The following MS4A18 variants were observed in gnomAD, a reference collection of about 807,000 sequenced individuals.
MS4A18 encodes membrane-spanning 4-domains subfamily A member 18.
A neutral mutation model predicts 13.1 loss-of-function variants in MS4A18; 27 were observed. The ratio of observed to expected loss-of-function variants is 2.06; its 90% CI spans 1.52 to 2.84. The LOEUF is 2.84. Ranked by LOEUF, MS4A18 falls within the 30% of genes most tolerant of loss-of-function variation. MS4A18 has a pLI of 0.00. For synonymous variants in MS4A18, 126 were observed against 76.5 expected (o/e 1.65, Z -3.38); for missense variants, 307 against 196.4 (o/e 1.56, Z -3.37).
intron 5 of MS4A18, among the ~76,000 whole-genome samples, chr11:60,743,345 C>T (rs1853434693): frequency 6.6e-6 from 1 of 152,228 alleles, no homozygotes; most frequent in Non-Finnish European, 1.5e-5. Context: ...GGGTGTCTGG[C>T]TCTTTGCAAG....
At chr11:60,736,796 A>G (rs939676864) in intron 2 of MS4A18, among the ~76,000 whole-genome samples, 182 bp from the exon 4 acceptor site, 7 of 152,184 alleles carry the variant, frequency 4.6e-5, no homozygotes, top group African/African-American at 1.7e-4. Context: ...GGTATTTAGT[A>G]TATTTGGTGC....
intron 1 of MS4A18, 53 bp downstream of exon 2, chr11:60,729,839 C>A: frequency 1.5e-6 from 1 of 654,476 alleles, no homozygotes; most frequent in South Asian, 1.7e-5. Context: ...AAGCCCTCGT[C>A]TAGTGCTCTG....
chr11:60,726,716 AC>A (rs1853166012), upstream of MS4A18, among the ~76,000 whole-genome samples: 3 of 96,156 alleles, frequency 3.1e-5, no homozygotes, highest in African/African-American at 1.2e-4. Flanking sequence ...TTGGGGTAAC[AC>A]TTTTATTTTA....
At chr11:60,727,646 G>T (rs372934473), upstream of MS4A18, among the ~76,000 whole-genome samples, 16 of 152,232 alleles carry the variant, frequency 1.1e-4, no homozygotes, top group African/African-American at 3.9e-4. Context: ...CTGGGGTCCT[G>T]CACACGTTAT....
rs11230456 is a variant in MS4A18 at position 60,729,505 on chromosome 11, G to C, written c.190G>C (p.Val64Leu). Residue 64 changes from valine (V) to leucine (L), a missense_variant, in exon 1 of 6, where the codon GTG (valine) becomes CTG (leucine). Coordinates refer to ENST00000529108, the Ensembl canonical transcript of MS4A18. ...AAGAGCAAACTTACAGAATCTACTC[G>C]TGGTGAACCAGAACTCAGCAGCAGG... The C allele has an allele frequency of 1.2e-3, 832 of 702,778 alleles. 8 individuals are homozygous for C. The African/African-American group carries it at 0.014, about 11-fold the overall frequency. 43.5% of individuals were successfully genotyped at this position (702,778 alleles called of 1,614,324 possible).
intron 1 of MS4A18, among the ~76,000 whole-genome samples, chr11:60,732,015 T>G (rs939514454): frequency 6.6e-6 from 1 of 152,182 alleles, no homozygotes; most frequent in Non-Finnish European, 1.5e-5. Context: ...GATGTTCATG[T>G]GAAACCCAGG....
chr11:60,731,541 T>G (rs1481027725), intron 1 of MS4A18, among the ~76,000 whole-genome samples: 1 of 152,226 alleles, frequency 6.6e-6, no homozygotes, highest in African/African-American at 2.4e-5. Flanking sequence ...TGTCTCCCTT[T>G]TATTATAACT....
chr11:60,727,811 G>C (rs534546712), upstream of MS4A18, among the ~76,000 whole-genome samples: 13 of 152,268 alleles, frequency 8.5e-5, no homozygotes, highest in Admixed American at 7.8e-4. Flanking sequence ...TATCTTTAAT[G>C]TTCTGAGGGC....
upstream of MS4A18, among the ~76,000 whole-genome samples, chr11:60,727,636 C>CT (rs1290546558): frequency 6.6e-6 from 1 of 152,156 alleles, no homozygotes; most frequent in East Asian, 1.9e-4. Flanking sequence ...GAACATACCT[C>CT]TGGGGTCCTG....
intron 3 of MS4A18, among the ~76,000 whole-genome samples, chr11:60,738,408 CTGCTCACTTCTTCTG>C (rs1197800629): frequency 1.3e-5 from 2 of 152,220 alleles, no homozygotes; most frequent in Non-Finnish European, 2.9e-5. Context: ...CTTGGGATCT[CTGCTCACTTCTTCTG>C]CAGAGTAGTT....
At chr11:60,743,815 G>C (rs1469616515) in exon 6 of MS4A18, 4 of 702,826 alleles carry the variant, frequency 5.7e-6, no homozygotes, top group Non-Finnish European at 7.8e-6. Flanking sequence ...CACCAGCCCT[G>C]TCAACACCAC....
chr11:60,735,228 C>T (rs1315082855), intron 2 of MS4A18, among the ~76,000 whole-genome samples: 1 of 152,148 alleles, frequency 6.6e-6, no homozygotes, highest in Non-Finnish European at 1.5e-5. Flanking sequence ...TGTCCACCAC[C>T]TAACTTAAAA....
chr11:60,741,055 G>C lies in MS4A18; in HGVS notation c.770G>C (p.Gly257Ala), dbSNP rs567699986. ...ACATATTCAAAGGCGGTTTCTGGCG[G>C]TCTTCTCCCCTTTGCCCTCCTGGAG... The change falls in exon 5 of 6, where the codon GGT becomes GCT. Residue 257 changes from glycine to alanine, a missense_variant. Physicochemically the swap from Gly to Ala is moderately conservative, Grantham distance 60. Transcript: ENST00000529108. 1.7e-5 allele frequency: 12 copies of C among 703,018 alleles called. No homozygotes were observed. In the Admixed American group the frequency reaches 2.4e-4, roughly 14 times the overall value. 43.5% of individuals were successfully genotyped at this position (703,018 alleles called of 1,614,324 possible).
chr11:60,737,907 A>G (rs1479253871), intron 3 of MS4A18, among the ~76,000 whole-genome samples: 2 of 152,152 alleles, frequency 1.3e-5, no homozygotes, highest in African/African-American at 4.8e-5. Flanking sequence ...CCCTTTAGGA[A>G]GAGCAGAGTC....
chr11:60,736,746 G>A (rs1425734920), intron 2 of MS4A18, among the ~76,000 whole-genome samples: 1 of 152,218 alleles, frequency 6.6e-6, no homozygotes, highest in Non-Finnish European at 1.5e-5. Flanking sequence ...TTAGGGGAAA[G>A]GAAGGTGTTA....
chr11:60,733,722 A>G, intron 2 of MS4A18, 75 bp downstream of exon 3: 1 of 701,246 alleles, frequency 1.4e-6, no homozygotes, highest in Non-Finnish European at 2.6e-6. Flanking sequence ...AAGAAGGAGC[A>G]TGGAATCCCA....
intron 3 of MS4A18, 142 bp downstream of exon 4, chr11:60,737,176 A>T: frequency 1.6e-6 from 1 of 631,082 alleles, no homozygotes; most frequent in Non-Finnish European, 2.8e-6. Context: ...ATTCCAGTCA[A>T]TCCCCATCAC....
chr11:60,726,244 T>G (rs985013482), upstream of MS4A18, among the ~76,000 whole-genome samples: 1 of 152,184 alleles, frequency 6.6e-6, no homozygotes, highest in African/African-American at 2.4e-5. Context: ...GTGAATGCCT[T>G]AGCCATCAGG....
chr11:60,743,188 C>T (rs1386230232), intron 5 of MS4A18, among the ~76,000 whole-genome samples: 1 of 152,274 alleles, frequency 6.6e-6, no homozygotes, highest in East Asian at 1.9e-4. Context: ...AACCCCAAAA[C>T]TTAATAGCTT....
Sources: gnomAD v4.1 joint callset for allele counts (sites outside exome capture counted in the v4.1 genomes callset) on GRCh38, gnomAD v4.1.1 for gene constraint, MANE v1.5 for transcripts, NCBI Gene and HGNC (gene_info 2026-07-23, HGNC 2026-07-21) for gene names.